The following ETFA variants were observed in gnomAD, a reference collection of about 807,000 sequenced individuals.
ETFA encodes the protein electron transfer flavoprotein subunit alpha, mitochondrial.
Under a neutral mutation model 46.2 loss-of-function variants are expected in ETFA, and 22 were observed. That is an observed-to-expected ratio of 0.48 (90% CI 0.34 to 0.68). ETFA has a LOEUF of 0.68. Ranked by LOEUF, ETFA falls within the 30% of genes least tolerant of loss-of-function variation. The pLI, the probability that ETFA is intolerant of heterozygous loss-of-function variation, is 0.01. For missense variants in ETFA, 345 were observed against 401.1 expected (o/e 0.86, Z 1.19); for synonymous variants, 131 against 139.9 (o/e 0.94, Z 0.45).
intron 9 of ETFA, among the ~76,000 whole-genome samples, chr15:76,234,135 C>T (rs890621730): frequency 2.0e-5 from 3 of 152,162 alleles, no homozygotes; most frequent in South Asian, 2.1e-4. Flanking sequence ...AATGGATCCA[C>T]ATGACCAACA....
chr15:76,301,105 G>A (rs2039876058), intron 1 of ETFA, among the ~76,000 whole-genome samples: 1 of 152,168 alleles, frequency 6.6e-6, no homozygotes, highest in Non-Finnish European at 1.5e-5. Context: ...TGTTGTGAGG[G>A]TTAAATTAAT....
At chr15:76,247,696 C>T (rs754659508) in intron 9 of ETFA, among the ~76,000 whole-genome samples, 12 of 152,138 alleles carry the variant, frequency 7.9e-5, no homozygotes, top group Non-Finnish European at 1.3e-4. Context: ...CATTATGGTA[C>T]GTGTTTGGAG....
At chr15:76,244,341 C>T (rs921827261) in intron 9 of ETFA, among the ~76,000 whole-genome samples, 5 of 152,190 alleles carry the variant, frequency 3.3e-5, no homozygotes, top group African/African-American at 9.7e-5. Context: ...ATTTACTATA[C>T]AACCTAAGAT....
intron 9 of ETFA, among the ~76,000 whole-genome samples, chr15:76,265,068 A>G (rs887557411): frequency 1.3e-5 from 2 of 152,170 alleles, no homozygotes; most frequent in Non-Finnish European, 2.9e-5. Flanking sequence ...ACAAACATAC[A>G]GCTGTCCCCC....
intron 9 of ETFA, among the ~76,000 whole-genome samples, chr15:76,254,027 G>A (rs2039326625): frequency 6.6e-6 from 1 of 152,208 alleles, no homozygotes; most frequent in Non-Finnish European, 1.5e-5. Context: ...AGCACTGAAG[G>A]AGGCAGAATC....
chr15:76,283,665 AG>A lies in ETFA; in HGVS notation c.733+91del, dbSNP rs1306602101. On this transcript the variant is annotated intron_variant, in intron 8 of 11. Coordinates refer to ENST00000557943, the MANE Select transcript of ETFA (RefSeq NM_000126.4). ...AATCCGGAAAAGTAAAATAATTTGT[AG>A]GGCTGAAAGACTTACACAAAAATGA... is the stretch of plus-strand genomic sequence containing the variant. 3.3e-6 allele frequency: 3 copies of A among 902,006 alleles called. No homozygotes were observed. The African/African-American group carries it at 5.0e-5, about 15-fold the overall frequency. 55.9% of individuals were successfully genotyped at this position (902,006 alleles called of 1,614,324 possible). A position where few individuals can be genotyped will look rare whatever the true frequency, so the allele number is the denominator to read the frequency against.
intron 9 of ETFA, among the ~76,000 whole-genome samples, chr15:76,269,932 C>G (rs1421807228): frequency 6.6e-6 from 1 of 152,032 alleles, no homozygotes; most frequent in Non-Finnish European, 1.5e-5. Flanking sequence ...TAAAAAAGGG[C>G]AAAAGATTTG....
At chr15:76,250,678 A>C (rs985689045) in intron 9 of ETFA, among the ~76,000 whole-genome samples, 17 of 151,772 alleles carry the variant, frequency 1.1e-4, no homozygotes, top group African/African-American at 4.1e-4. Flanking sequence ...GACTACAGCT[A>C]CATGCCACCA....
At chr15:76,256,284 T>C (rs2456073) in intron 9 of ETFA, among the ~76,000 whole-genome samples, 21 of 146,520 alleles carry the variant, frequency 1.4e-4, no homozygotes, top group Admixed American at 4.1e-4. Context: ...AAAAAAAAAA[T>C]ATTAACCTTA....
chr15:76,223,631 T>A (rs939281782), intron 11 of ETFA, among the ~76,000 whole-genome samples: 8 of 152,254 alleles, frequency 5.3e-5, no homozygotes, highest in African/African-American at 1.7e-4. Flanking sequence ...TCTAGTCCAA[T>A]GTGGGCTTCC....
At chr15:76,239,813 A>G (rs1388738696) in intron 9 of ETFA, among the ~76,000 whole-genome samples, 1 of 151,940 alleles carries the variant, frequency 6.6e-6, no homozygotes, top group African/African-American at 2.4e-5. Flanking sequence ...AGTATTGTCA[A>G]TTTTAGCTAA....
In ETFA at chr15:76,215,592, C is replaced by T. The variant is rs75287588; in HGVS notation, c.*967G>A. The stretch of plus-strand genomic sequence containing the variant: ...TACTCACCTACCTACCCACGCCTTC[C>T]TGCAGGCCTGTTCAAAGCCTCACCA... On this transcript the variant is annotated 3_prime_UTR_variant, in exon 12 of 12. Transcript: ENST00000557943. 0.012 allele frequency: 1,851 copies of T among 152,362 alleles called. 48 individuals are homozygous for T. Among genetic ancestry groups the T allele is most frequent in the African/African-American group, 0.042 (1,737 of 41,486 alleles). 9.4% of individuals were successfully genotyped at this position (152,362 alleles called of 1,614,324 possible).
intron 1 of ETFA, among the ~76,000 whole-genome samples, chr15:76,308,721 T>C (rs1347802494): frequency 6.6e-6 from 1 of 152,236 alleles, no homozygotes. Flanking sequence ...ACTGTACTAA[T>C]GGGACAACTG....
At chr15:76,306,654 G>T (rs1596229933) in intron 1 of ETFA, among the ~76,000 whole-genome samples, 1 of 151,886 alleles carries the variant, frequency 6.6e-6, no homozygotes, top group Non-Finnish European at 1.5e-5. Flanking sequence ...AATATATAAA[G>T]TCACCTATCC....
intron 1 of ETFA, among the ~76,000 whole-genome samples, chr15:76,306,082 A>G (rs1435514431): frequency 6.6e-6 from 1 of 151,898 alleles, no homozygotes. Flanking sequence ...TGAACTGTAT[A>G]TTCACATAGT....
rs35290919 is a variant in ETFA, at chr15:76,306,267, C to CTTTTTTTTTTTTTTT, written c.39+5068_39+5082dup. 2.1e-3 allele frequency among the ~76,000 whole-genome samples: 231 copies of CTTTTTTTTTTTTTTT among 109,466 alleles called. 8 individuals carry two copies. The highest frequency in any genetic ancestry group is 5.2e-3 in the East Asian group (15 of 2,868). 71.8% of individuals were successfully genotyped at this position (109,466 alleles called of 152,430 possible). ...AGGGCAGGGGAGGGTTTTTTTGCTT[C>CTTTTTTTTTTTTTTT]TTTTTTTTTTTTTTTTTGAGACAGA... On this transcript the variant is annotated intron_variant, in intron 1 of 11. Coordinates refer to ENST00000557943, the MANE Select transcript of ETFA (RefSeq NM_000126.4).
chr15:76,251,171 A>G (rs1181067964), intron 9 of ETFA, among the ~76,000 whole-genome samples: 1 of 152,060 alleles, frequency 6.6e-6, no homozygotes, highest in African/African-American at 2.4e-5. Flanking sequence ...ACTATAGAAA[A>G]GGGGCCAATA....
intron 9 of ETFA, among the ~76,000 whole-genome samples, chr15:76,232,223 A>G (rs1477705930): frequency 6.6e-6 from 1 of 152,242 alleles, no homozygotes; most frequent in Non-Finnish European, 1.5e-5. Context: ...AAATTTTTAC[A>G]GTGCCTTTGT....
intron 9 of ETFA, among the ~76,000 whole-genome samples, chr15:76,255,387 A>G (rs1394384142): frequency 6.6e-5 from 10 of 152,256 alleles, no homozygotes; most frequent in Admixed American, 6.5e-4. Context: ...GCTAGAAAAG[A>G]AAAAGTCACT....
Sources: gnomAD v4.1 joint callset for allele counts (sites outside exome capture counted in the v4.1 genomes callset) on GRCh38, gnomAD v4.1.1 for gene constraint, MANE v1.5 for transcripts, NCBI Gene and HGNC (gene_info 2026-07-23, HGNC 2026-07-21) for gene names.